TNFSF4: variants seen among roughly 807,000 people sequenced by gnomAD.
TNFSF4 encodes the protein TNF superfamily member 4.
Under a neutral mutation model 7.3 loss-of-function variants are expected in TNFSF4, and 4 were observed. The ratio of observed to expected loss-of-function variants is 0.55; its 90% confidence interval spans 0.27 to 1.25. The LOEUF is 1.25. TNFSF4 is among the 50% of genes most tolerant of loss of function. The probability of loss-of-function intolerance (pLI) is 0.12; values close to 1 mark genes in which losing one functional copy is unlikely to be tolerated. For synonymous variants in TNFSF4, 76 were observed against 83.7 expected, an observed-to-expected ratio of 0.91 and a Z score of 0.50; for missense variants, 181 against 208.8, an observed-to-expected ratio of 0.87 and a Z score of 0.82.
chr1:173,401,593 G>C, the TNFSF4 span, among the ~76,000 whole-genome samples: 2 of 152,136 alleles, frequency 1.3e-5, no homozygotes, highest in Non-Finnish European at 2.9e-5. Flanking sequence ...CCCTTGGTCT[G>C]AGACTTACAC....
chr1:173,323,669 G>T, the TNFSF4 span, among the ~76,000 whole-genome samples: 1 of 152,160 alleles, frequency 6.6e-6, no homozygotes. Context: ...GTCCTTAAAG[G>T]ACCTGATGGA....
At chr1:173,227,895 G>A in the TNFSF4 span, among the ~76,000 whole-genome samples, 5 of 152,164 alleles carry the variant, frequency 3.3e-5, no homozygotes, top group Admixed American at 6.6e-5. Context: ...GGGGAGGGGC[G>A]CCCACCATTG....
At chr1:173,312,822 AT>A in the TNFSF4 span, among the ~76,000 whole-genome samples, 1 of 152,102 alleles carries the variant, frequency 6.6e-6, no homozygotes, top group Non-Finnish European at 1.5e-5. Flanking sequence ...ACCAGCACAA[AT>A]GGCAAGTTTG....
the TNFSF4 span, among the ~76,000 whole-genome samples, chr1:173,369,519 G>A: frequency 6.6e-6 from 1 of 152,122 alleles, no homozygotes; most frequent in Non-Finnish European, 1.5e-5. Flanking sequence ...GCAGGGTCCA[G>A]GGACCGTTGC....
chr1:173,220,275 A>C, the TNFSF4 span, among the ~76,000 whole-genome samples: 1 of 152,136 alleles, frequency 6.6e-6, no homozygotes, highest in Non-Finnish European at 1.5e-5. Flanking sequence ...CTTAGCAAAA[A>C]CTCAAGGAGC....
chr1:173,340,557 C>T, the TNFSF4 span, among the ~76,000 whole-genome samples: 1 of 152,044 alleles, frequency 6.6e-6, no homozygotes, highest in Non-Finnish European at 1.5e-5. Flanking sequence ...ATATCCCCAA[C>T]CAGTTCCCCA....
chr1:173,293,298 G>C, the TNFSF4 span, among the ~76,000 whole-genome samples: 1 of 152,096 alleles, frequency 6.6e-6, no homozygotes, highest in South Asian at 2.1e-4. Flanking sequence ...GAACTGCATA[G>C]AAAACTTTGA....
At chr1:173,358,139 C>T in the TNFSF4 span, among the ~76,000 whole-genome samples, 3 of 152,122 alleles carry the variant, frequency 2.0e-5, no homozygotes, top group South Asian at 4.2e-4. Flanking sequence ...GAGAAGGGGA[C>T]GTGATGATGG....
intron 1 of TNFSF4, among the ~76,000 whole-genome samples, chr1:173,199,100 C>A (rs568276902): frequency 6.6e-6 from 1 of 152,158 alleles, no homozygotes; most frequent in Non-Finnish European, 1.5e-5. Flanking sequence ...CTTTGGTTAT[C>A]CAGTGCTTAT....
chr1:173,380,980 C>A, the TNFSF4 span, among the ~76,000 whole-genome samples: 1 of 152,104 alleles, frequency 6.6e-6, no homozygotes, highest in Non-Finnish European at 1.5e-5. Flanking sequence ...TTAACATTGC[C>A]CAAGGAAATC....
the TNFSF4 span, among the ~76,000 whole-genome samples, chr1:173,300,198 T>TACAC: frequency 2.0e-5 from 3 of 149,996 alleles, no homozygotes; most frequent in South Asian, 6.3e-4. Context: ...CATACATACA[T>TACAC]ACATATAAGA....
chr1:173,373,730 C>T, the TNFSF4 span, among the ~76,000 whole-genome samples: 3 of 152,230 alleles, frequency 2.0e-5, no homozygotes, highest in African/African-American at 7.2e-5. Context: ...GGCAGTTAGA[C>T]TTCAACCATA....
At chr1:173,223,992 T>C in the TNFSF4 span, among the ~76,000 whole-genome samples, 199 of 152,282 alleles carry the variant, frequency 1.3e-3, no homozygotes, top group Middle Eastern at 3.4e-3. Context: ...TGCAAGGACA[T>C]GCTCTAGCCC....
the TNFSF4 span, among the ~76,000 whole-genome samples, chr1:173,392,950 G>T: frequency 6.6e-6 from 1 of 152,106 alleles, no homozygotes; most frequent in African/African-American, 2.4e-5. Flanking sequence ...GGAATATTCT[G>T]TCTCCAGACC....
At chr1:173,365,497 T>C in the TNFSF4 span, among the ~76,000 whole-genome samples, 5 of 152,234 alleles carry the variant, frequency 3.3e-5, no homozygotes, top group African/African-American at 1.2e-4. Flanking sequence ...ATATCAACTG[T>C]AAAATTTCAG....
chr1:173,298,914 A>G, the TNFSF4 span, among the ~76,000 whole-genome samples: 39 of 152,102 alleles, frequency 2.6e-4, no homozygotes, highest in African/African-American at 9.4e-4. Flanking sequence ...GATATATAAA[A>G]TATAATTCAT....
At chr1:173,234,454 C>G in the TNFSF4 span, among the ~76,000 whole-genome samples, 2 of 152,128 alleles carry the variant, frequency 1.3e-5, no homozygotes, top group Non-Finnish European at 2.9e-5. Flanking sequence ...GGTATATACC[C>G]AAAGGATTAT....
At chr1:173,181,727 C>T (rs983557309), downstream of TNFSF4, among the ~76,000 whole-genome samples, 4 of 152,264 alleles carry the variant, frequency 2.6e-5, no homozygotes, top group African/African-American at 9.6e-5. Context: ...GGCCATCTGA[C>T]CAGCTTTAGG....
the TNFSF4 span, among the ~76,000 whole-genome samples, chr1:173,359,822 G>A: frequency 1.8e-4 from 27 of 152,190 alleles, no homozygotes; most frequent in Admixed American, 4.6e-4. Flanking sequence ...TACTGCACAC[G>A]GGGGCAAATG....
Sources: allele counts gnomAD v4.1 joint callset (sites outside exome capture counted in the v4.1 genomes callset), GRCh38; gene constraint gnomAD v4.1.1; transcripts MANE v1.5; gene names NCBI Gene and HGNC (gene_info 2026-07-23, HGNC 2026-07-21).